The following PLBD1 variants were observed in gnomAD, a reference collection of about 807,000 sequenced individuals.
The protein encoded by PLBD1 is phospholipase B domain containing 1.
A neutral mutation model predicts 63.0 loss-of-function variants in PLBD1; 60 were observed. The observed-to-expected ratio is 0.95, with a 90% CI of 0.77 to 1.18. The LOEUF (loss-of-function observed/expected upper bound fraction) is 1.18. Among genes scored for constraint, PLBD1 ranks in the 50% most tolerant of loss-of-function variants. The pLI is 0.00. For synonymous variants in PLBD1, 262 were observed against 248.0 expected, an observed-to-expected ratio of 1.06 and a Z score of -0.53; for missense variants, 598 against 677.9, an observed-to-expected ratio of 0.88 and a Z score of 1.31.
intron 6 of PLBD1, among the ~76,000 whole-genome samples, chr12:14,518,504 T>A (rs886802221): frequency 6.6e-6 from 1 of 152,150 alleles, no homozygotes; most frequent in Non-Finnish European, 1.5e-5. Flanking sequence ...TTCTCAAATC[T>A]AGGGTATGAA....
intron 10 of PLBD1, among the ~76,000 whole-genome samples, chr12:14,504,901 A>C (rs1417394630): frequency 6.6e-6 from 1 of 152,186 alleles, no homozygotes; most frequent in Non-Finnish European, 1.5e-5. Context: ...GAACAATTGC[A>C]GGCCTCTGTC....
At chr12:14,551,646 C>A (rs983310788) in intron 2 of PLBD1, among the ~76,000 whole-genome samples, 3 of 152,252 alleles carry the variant, frequency 2.0e-5, no homozygotes, top group Non-Finnish European at 4.4e-5. Flanking sequence ...ACAGAAATAT[C>A]CAAGGGAAAC....
intron 6 of PLBD1, among the ~76,000 whole-genome samples, chr12:14,518,762 T>C (rs1945353723): frequency 6.6e-6 from 1 of 152,228 alleles, no homozygotes; most frequent in African/African-American, 2.4e-5. Context: ...GTGCTCATCC[T>C]GGGACACAGA....
At chr12:14,548,255 G>A (rs991756068) in intron 2 of PLBD1, among the ~76,000 whole-genome samples, 2 of 151,838 alleles carry the variant, frequency 1.3e-5, no homozygotes, top group South Asian at 2.1e-4. Context: ...TCAGGAGTTC[G>A]AGACCAGCCT....
At chr12:14,513,900 C>T (rs1945319011) in intron 6 of PLBD1, among the ~76,000 whole-genome samples, 1 of 152,076 alleles carries the variant, frequency 6.6e-6, no homozygotes, top group Non-Finnish European at 1.5e-5. Context: ...CTGCCTCAGC[C>T]TCCCAAGTAG....
chr12:14,523,181 A>G (rs1037620308), intron 6 of PLBD1, among the ~76,000 whole-genome samples: 2 of 152,166 alleles, frequency 1.3e-5, no homozygotes, highest in African/African-American at 4.8e-5. Context: ...AAATCAATAT[A>G]CAAAAATCTA....
intron 2 of PLBD1, among the ~76,000 whole-genome samples, chr12:14,547,761 A>G (rs1224805954): frequency 6.6e-6 from 1 of 152,138 alleles, no homozygotes; most frequent in Non-Finnish European, 1.5e-5. Flanking sequence ...AGCACCTGTC[A>G]TGTACTACCT....
intron 5 of PLBD1, 53 bp downstream of exon 5, chr12:14,536,517 T>C (rs1345531): frequency 0.32 from 501,284 of 1,589,392 alleles, 83,081 homozygotes; most frequent in South Asian, 0.53. Context: ...GGGCGCTATA[T>C]AGAAAAAGTC....
chr12:14,551,886 T>A (rs910271698), intron 2 of PLBD1, among the ~76,000 whole-genome samples: 1 of 152,226 alleles, frequency 6.6e-6, no homozygotes. Flanking sequence ...TTTACCTGTA[T>A]AATATGGTTT....
At chr12:14,560,680 C>T (rs756366249) in intron 1 of PLBD1, among the ~76,000 whole-genome samples, 3 of 152,172 alleles carry the variant, frequency 2.0e-5, no homozygotes, top group Non-Finnish European at 2.9e-5. Flanking sequence ...TAAACAATCT[C>T]CAGTAAACAA....
intron 10 of PLBD1, among the ~76,000 whole-genome samples, chr12:14,505,522 C>T (rs1249960921): frequency 1.3e-5 from 2 of 152,158 alleles, no homozygotes; most frequent in African/African-American, 2.4e-5. Context: ...AATGTAAATA[C>T]TTTCACTGAC....
At chr12:14,541,033 C>T in intron 3 of PLBD1, 131 bp from the exon 4 acceptor site, 2 of 1,002,524 alleles carry the variant, frequency 2.0e-6, no homozygotes, top group South Asian at 4.6e-5. Flanking sequence ...TCTTGTAACA[C>T]TCCAGTCACT....
chr12:14,538,046 T>A lies in PLBD1; in HGVS notation c.559-1336A>T, dbSNP rs533681820. ...TTTTAAAAATGTCTTGTAAATAAAA[T>A]TTTTAAAAACATACATGGTAGTGTG... On this transcript the variant is annotated intron_variant, in intron 4 of 10. Transcript: ENST00000240617. Among the ~76,000 whole-genome samples, 281 of 152,158 alleles carry A rather than the reference T, an allele frequency of 1.8e-3. 2 individuals carry two copies. The highest frequency in any genetic ancestry group is 6.5e-3 in the African/African-American group (270 of 41,546).
rs1254461942 is a variant in PLBD1, at chr12:14,567,602, G to T, written c.95C>A (p.Ala32Glu). 8 of 1,499,230 alleles carry T rather than the reference G, an allele frequency of 5.3e-6. No individual in the cohort carries two copies. The highest frequency in any genetic ancestry group is 1.5e-5 in the African/African-American group (1 of 68,016). 92.9% of individuals were successfully genotyped at this position (1,499,230 alleles called of 1,614,324 possible). A position where few individuals can be genotyped will look rare whatever the true frequency, so the allele number is the denominator to read the frequency against. The change falls in exon 1 of 11, where the codon GCG becomes GAG. Residue 32 changes from alanine to glutamate, a missense_variant. Physicochemically the swap from Ala to Glu is moderately radical, Grantham distance 107. Coordinates refer to ENST00000240617, the MANE Select transcript of PLBD1 (RefSeq NM_024829.6). ...CTCACCTGCAGGTTTCGGCGGCTCCGCGGTGACTAACAACAGCGGCAGCAG... is the reference window on the plus strand; with the variant it reads ...CTCACCTGCAGGTTTCGGCGGCTCCTCGGTGACTAACAACAGCGGCAGCAG... ...LLLLPLLLVT[A>E]EPPKPAGVYY... is the part of the protein sequence containing the mutation.
intron 1 of PLBD1, among the ~76,000 whole-genome samples, chr12:14,556,177 T>A (rs1430127092): frequency 6.6e-6 from 1 of 152,072 alleles, no homozygotes; most frequent in African/African-American, 2.4e-5. Flanking sequence ...GACTATCAGG[T>A]TTTAGGCTGA....
Position 14,567,773 on chromosome 12 carries a change from C to G in PLBD1, c.-77G>C, listed in dbSNP as rs1274247814. 7.3e-7 allele frequency: 1 copy of G among 1,370,506 alleles called. No individual in the cohort carries two copies. Among genetic ancestry groups the G allele is most frequent in the African/African-American group, 1.5e-5 (1 of 65,020 alleles). The allele number at this position is 1,370,506 out of a possible 1,614,324, so 84.9% of individuals were successfully genotyped here. A position where few individuals can be genotyped will look rare whatever the true frequency, so the allele number is the denominator to read the frequency against. ...GCGGTGGCAGAAGTTGCAAGAGAGG[C>G]TCCTGGCCTACTCAGGGGCGCCGCC... On this transcript the variant is annotated 5_prime_UTR_variant, in exon 1 of 11. Transcript: ENST00000240617.
At chr12:14,516,625 G>A (rs1445492027) in intron 6 of PLBD1, among the ~76,000 whole-genome samples, 1 of 152,168 alleles carries the variant, frequency 6.6e-6, no homozygotes, top group Non-Finnish European at 1.5e-5. Context: ...ATAATGAGAA[G>A]TAGGAACACA....
intron 6 of PLBD1, among the ~76,000 whole-genome samples, chr12:14,532,786 G>A (rs1417557139): frequency 6.6e-6 from 1 of 152,198 alleles, no homozygotes; most frequent in South Asian, 2.1e-4. Context: ...AGGGGATTTT[G>A]AAATTTTCTG....
chr12:14,548,865 G>A (rs973691680), intron 2 of PLBD1, among the ~76,000 whole-genome samples: 4 of 152,148 alleles, frequency 2.6e-5, no homozygotes, highest in South Asian at 2.1e-4. Context: ...TTCAGCAGCC[G>A]CGTGAACAAC....
Sources: allele counts gnomAD v4.1 joint callset (sites outside exome capture counted in the v4.1 genomes callset), GRCh38; gene constraint gnomAD v4.1.1; transcripts MANE v1.5; gene names NCBI Gene and HGNC (gene_info 2026-07-23, HGNC 2026-07-21).